Variants in CSMD1 observed in about 807,000 individuals in gnomAD.
CSMD1 encodes CUB and sushi domain-containing protein 1.
Under a neutral mutation model 417.5 loss-of-function variants are expected in CSMD1, and 213 were observed. The ratio of observed to expected loss-of-function variants is 0.51; its 90% CI spans 0.46 to 0.57. The LOEUF (loss-of-function observed/expected upper bound fraction) is 0.57, where lower values mean the gene tolerates loss of function less well. Ranked by LOEUF, CSMD1 falls within the 20% of genes least tolerant of loss-of-function variation. The probability of loss-of-function intolerance (pLI) is 0.00; values close to 1 mark genes in which losing one functional copy is unlikely to be tolerated. For synonymous variants in CSMD1, 2,862 were observed against 1,736.8 expected (o/e 1.65, Z -16.11); for missense variants, 6,923 against 4,529.7 (o/e 1.53, Z -15.17).
chr8:3,177,505 G>C (rs567878409), intron 37 of CSMD1, among the ~76,000 whole-genome samples: 4 of 152,294 alleles, frequency 2.6e-5, no homozygotes, highest in African/African-American at 7.2e-5. Context: ...TTGAAGGTAA[G>C]CTCTGCTCTA....
intron 5 of CSMD1, among the ~76,000 whole-genome samples, chr8:3,804,124 G>T (rs1003580106): frequency 1.3e-5 from 2 of 151,900 alleles, no homozygotes; most frequent in Non-Finnish European, 1.5e-5. Flanking sequence ...TAGAGACAGG[G>T]TTTCACCATG....
At chr8:4,669,455 A>G (rs1241783678) in intron 1 of CSMD1, among the ~76,000 whole-genome samples, 2 of 152,168 alleles carry the variant, frequency 1.3e-5, no homozygotes, top group African/African-American at 2.4e-5. Context: ...AGGAACAACT[A>G]CTTGGAACTC....
At chr8:3,453,660 C>T (rs1815903853) in intron 12 of CSMD1, among the ~76,000 whole-genome samples, 4 of 152,174 alleles carry the variant, frequency 2.6e-5, no homozygotes, top group Admixed American at 2.6e-4. Context: ...AGTTTTATTG[C>T]ACTGTGGTCT....
At position 3,894,358 on chromosome 8, in the gene CSMD1, T is replaced by C. The variant is rs77453261; in HGVS notation, c.818+103545A>G. Among the ~76,000 whole-genome samples, 53 of 152,316 alleles carry C rather than the reference T, an allele frequency of 3.5e-4. 1 individual carries two copies. The highest frequency in any genetic ancestry group is 1.2e-3 in the African/African-American group (51 of 41,566). On this transcript the variant is annotated intron_variant, in intron 5 of 69. Transcript: ENST00000635120. ...GATTTTTTCTATCACGAGGATTAAA[T>C]GGGTGTTGCAACTCAAGGGGAGACA...
In CSMD1 at chr8:3,248,249, A is replaced by T. The variant is rs748853605; in HGVS notation, c.4154-18018T>A. Among the ~76,000 whole-genome samples the T allele has an allele frequency of 9.2e-5, 14 of 152,366 alleles. 1 individual carries two copies. The highest frequency in any genetic ancestry group is 6.2e-4 in the South Asian group (3 of 4,828). On this transcript the variant is annotated intron_variant, in intron 26 of 69. Coordinates refer to ENST00000635120, the MANE Select transcript of CSMD1 (RefSeq NM_033225.6). ...ACTGTAATAGGAAGAATGAAATTTT[A>T]ACTTGCAATTAGGGTGATGACACGT...
At chr8:4,951,279 C>T (rs1054921431) in intron 1 of CSMD1, among the ~76,000 whole-genome samples, 2 of 152,172 alleles carry the variant, frequency 1.3e-5, no homozygotes, top group South Asian at 2.1e-4. Context: ...TTAGTCTCTG[C>T]CTGAAATTGT....
intron 3 of CSMD1, among the ~76,000 whole-genome samples, chr8:4,153,248 A>G (rs1245881212): frequency 6.6e-6 from 1 of 152,222 alleles, no homozygotes; most frequent in Non-Finnish European, 1.5e-5. Flanking sequence ...TATGCCAGAA[A>G]TGATACATAC....
At chr8:2,960,945 T>TAC (rs911870386) in intron 62 of CSMD1, among the ~76,000 whole-genome samples, 196 bp downstream of exon 62, 9 of 99,832 alleles carry the variant, frequency 9.0e-5, no homozygotes, top group Admixed American at 9.7e-5. Context: ...GCAAGATATA[T>TAC]ATATATATAT....
At chr8:3,323,905 A>G (rs1358108937) in intron 23 of CSMD1, among the ~76,000 whole-genome samples, 1 of 139,932 alleles carries the variant, frequency 7.1e-6, no homozygotes, top group East Asian at 2.3e-4. Context: ...CCCACCTTTC[A>G]TCATTGTTAA....
At chr8:3,973,018 T>C (rs1380506223) in intron 5 of CSMD1, among the ~76,000 whole-genome samples, 1 of 152,252 alleles carries the variant, frequency 6.6e-6, no homozygotes, top group Non-Finnish European at 1.5e-5. Context: ...ATTTTTCTCT[T>C]CTAACAGTGT....
chr8:3,318,259 T>A (rs953335703), intron 23 of CSMD1, among the ~76,000 whole-genome samples: 1 of 152,224 alleles, frequency 6.6e-6, no homozygotes, highest in Non-Finnish European at 1.5e-5. Flanking sequence ...TCCAATTTTT[T>A]AATAGGTGTT....
chr8:3,315,440 G>GTGTGTGTA (rs1563263759), intron 23 of CSMD1, among the ~76,000 whole-genome samples: 3 of 86,182 alleles, frequency 3.5e-5, no homozygotes, highest in Non-Finnish European at 3.0e-5. Context: ...TGAAGTGAGT[G>GTGTGTGTA]TGTGTGTGTG....
At chr8:3,808,285 ATTG>A (rs1800862245) in intron 5 of CSMD1, among the ~76,000 whole-genome samples, 1 of 152,124 alleles carries the variant, frequency 6.6e-6, no homozygotes, top group Non-Finnish European at 1.5e-5. Context: ...GATTTTTTTC[ATTG>A]TTGTTCTTTT....
intron 3 of CSMD1, among the ~76,000 whole-genome samples, chr8:4,375,977 A>C (rs1224920334): frequency 3.9e-5 from 6 of 152,188 alleles, no homozygotes; most frequent in Admixed American, 1.3e-4. Context: ...AATGCTGCTT[A>C]TCCCACTGTT....
intron 1 of CSMD1, among the ~76,000 whole-genome samples, chr8:4,683,170 A>G (rs1220610834): frequency 6.6e-6 from 1 of 151,848 alleles, no homozygotes; most frequent in African/African-American, 2.4e-5. Context: ...GTTTTTACAA[A>G]TTTTACTTAT....
chr8:4,386,347 C>G lies in CSMD1; in HGVS notation c.415+33606G>C, dbSNP rs1251073707. ...ACCTTCCGTCCTCGGTTATGACTTC[C>G]ATCCCACTCAAACAATATACACTAT... On this transcript the variant is annotated intron_variant, in intron 3 of 69. Coordinates refer to ENST00000635120, the MANE Select transcript of CSMD1 (RefSeq NM_033225.6). 8.6e-5 allele frequency among the ~76,000 whole-genome samples: 13 copies of G among 151,890 alleles called. 1 individual carries two copies. Among genetic ancestry groups the G allele is most frequent in the Admixed American group, 8.5e-4 (13 of 15,256 alleles).
At chr8:3,730,265 A>C (rs1905026) in intron 6 of CSMD1, among the ~76,000 whole-genome samples, 1 of 151,920 alleles carries the variant, frequency 6.6e-6, no homozygotes, top group East Asian at 1.9e-4. Context: ...CCTTGAGCAC[A>C]TGGAGCCCCT....
intron 3 of CSMD1, among the ~76,000 whole-genome samples, chr8:4,405,543 T>C (rs533200665): frequency 1.6e-4 from 25 of 152,164 alleles, no homozygotes; most frequent in Non-Finnish European, 2.8e-4. Flanking sequence ...GTAAGTGCCA[T>C]GAAACCATCA....
chr8:4,275,649 G>A (rs796222701), intron 3 of CSMD1, among the ~76,000 whole-genome samples: 11 of 152,196 alleles, frequency 7.2e-5, no homozygotes, highest in African/African-American at 2.4e-4. Context: ...TCCTAAAAAT[G>A]CAAATAATGC....
Sources: allele counts gnomAD v4.1 joint callset (sites outside exome capture counted in the v4.1 genomes callset), GRCh38; gene constraint gnomAD v4.1.1; transcripts MANE v1.5; gene names NCBI Gene and HGNC (gene_info 2026-07-23, HGNC 2026-07-21).